The following RIMS4 variants were observed in gnomAD, a reference collection of about 807,000 sequenced individuals.
RIMS4 encodes the protein regulating synaptic membrane exocytosis protein 4.
In RIMS4, 9 loss-of-function variants were observed where a neutral mutation model predicts 29.0. That is an observed-to-expected ratio of 0.31 (90% CI 0.19 to 0.54). The LOEUF is 0.54. RIMS4 is among the 20% of genes least tolerant of loss of function. RIMS4 has a pLI of 0.94. For missense variants in RIMS4, 193 were observed against 365.7 expected (o/e 0.53, Z 3.85); for synonymous variants, 130 against 152.9 (o/e 0.85, Z 1.10).
intron 2 of RIMS4, among the ~76,000 whole-genome samples, chr20:44,764,888 T>C (rs891990479): frequency 2.0e-5 from 3 of 152,212 alleles, no homozygotes; most frequent in Non-Finnish European, 4.4e-5. Context: ...TGACCCCGAC[T>C]TCTCAACCAT....
At chr20:44,783,043 T>C (rs1384094633) in intron 1 of RIMS4, among the ~76,000 whole-genome samples, 1 of 152,204 alleles carries the variant, frequency 6.6e-6, no homozygotes, top group South Asian at 2.1e-4. Flanking sequence ...GCTACTATTA[T>C]AAACAATACT....
At position 44,757,825 on chromosome 20, in the gene RIMS4, G is replaced by A. The variant is rs1316204768; in HGVS notation, c.350-54C>T. The A allele has an allele frequency of 1.2e-5, 17 of 1,477,962 alleles. No individual in the cohort carries two copies. In the East Asian group the frequency reaches 2.7e-4, roughly 24 times the overall value. 91.6% of individuals were successfully genotyped at this position (1,477,962 alleles called of 1,614,324 possible). A position where few individuals can be genotyped will look rare whatever the true frequency, so the allele number is the denominator to read the frequency against. ...GGAAATGGTTCAGAAGCTCAAGCTT[G>A]GACTCAGCTCTTCTCCTTTACTTAG... is the stretch of plus-strand genomic sequence containing the variant. On this transcript the variant is annotated intron_variant, in intron 3 of 5. Transcript: ENST00000372851.
At chr20:44,795,738 G>A (rs972432225) in intron 1 of RIMS4, among the ~76,000 whole-genome samples, 17 of 152,122 alleles carry the variant, frequency 1.1e-4, no homozygotes, top group African/African-American at 4.1e-4. Context: ...TGCCATGTGA[G>A]CCATGGTAAT....
intron 2 of RIMS4, among the ~76,000 whole-genome samples, chr20:44,764,142 G>C (rs7269740): frequency 0.98 from 103,223 of 105,226 alleles, 50,636 homozygotes; most frequent in Admixed American, 0.98. Flanking sequence ...ATCCATTTAT[G>C]CATCCATTTA....
chr20:44,808,454 G>C (rs1016700160), intron 1 of RIMS4, among the ~76,000 whole-genome samples: 1 of 152,134 alleles, frequency 6.6e-6, no homozygotes, highest in Non-Finnish European at 1.5e-5. Context: ...CTCCTGCCCA[G>C]CCTGGCTCTT....
chr20:44,797,199 C>T (rs571959574), intron 1 of RIMS4, among the ~76,000 whole-genome samples: 19 of 152,346 alleles, frequency 1.2e-4, no homozygotes, highest in Admixed American at 7.8e-4. Flanking sequence ...CTATGGGCCT[C>T]GGACTAAATC....
chr20:44,780,458 A>G (rs1476508900), intron 1 of RIMS4, among the ~76,000 whole-genome samples: 1 of 152,208 alleles, frequency 6.6e-6, no homozygotes, highest in Non-Finnish European at 1.5e-5. Flanking sequence ...TTGTTTTCAA[A>G]CCACAATTCC....
intron 1 of RIMS4, among the ~76,000 whole-genome samples, chr20:44,802,805 G>A (rs571721500): frequency 6.6e-6 from 1 of 152,044 alleles, no homozygotes; most frequent in Non-Finnish European, 1.5e-5. Flanking sequence ...GAGATAATTT[G>A]CCCCCTTCTC....
chr20:44,782,106 C>A (rs749875117), intron 1 of RIMS4, among the ~76,000 whole-genome samples: 1 of 152,174 alleles, frequency 6.6e-6, no homozygotes, highest in Non-Finnish European at 1.5e-5. Flanking sequence ...CTGAACTAAT[C>A]TGAGTCTAAG....
Position 44,810,173 on chromosome 20 carries a change from A to G in RIMS4, c.97+2T>C. 1 of 1,580,610 alleles carries G rather than the reference A, an allele frequency of 6.3e-7. No homozygotes were observed. Among genetic ancestry groups the G allele is most frequent in the Admixed American group, 1.7e-5 (1 of 58,292 alleles). The stretch of plus-strand genomic sequence containing the variant: ...GGTCTGGGGGGCGGGCCGCGCGCTT[A>G]CCTGCGTCCTCGTCGTCGAAGGAGT... On this transcript the variant is annotated splice_donor_variant, in intron 1 of 5. Transcript: ENST00000372851. LOFTEE classifies it high-confidence loss of function.
chr20:44,764,260 A>ATTTATCCATCCGTCCATTTATC (rs1555859479), intron 2 of RIMS4, among the ~76,000 whole-genome samples: 1 of 151,786 alleles, frequency 6.6e-6, no homozygotes, highest in Admixed American at 6.6e-5. Flanking sequence ...CCATCCTCCC[A>ATTTATCCATCCGTCCATTTATC]CAAACTCACC....
At chr20:44,797,452 T>A (rs2066259683) in intron 1 of RIMS4, among the ~76,000 whole-genome samples, 2 of 152,240 alleles carry the variant, frequency 1.3e-5, no homozygotes, top group Admixed American at 1.3e-4. Flanking sequence ...TTGCCCTTGC[T>A]TGGGTTAACC....
chr20:44,802,460 C>T (rs1422486758), intron 1 of RIMS4, among the ~76,000 whole-genome samples: 1 of 152,182 alleles, frequency 6.6e-6, no homozygotes, highest in African/African-American at 2.4e-5. Flanking sequence ...GATTCCAAAG[C>T]TATGTTCTTT....
intron 1 of RIMS4, among the ~76,000 whole-genome samples, chr20:44,774,279 G>A (rs1266730851): frequency 6.6e-6 from 1 of 152,108 alleles, no homozygotes; most frequent in Non-Finnish European, 1.5e-5. Flanking sequence ...TGTTAATAGC[G>A]AGTGTCAACT....
chr20:44,760,030 G>C (rs2066077496), intron 2 of RIMS4, among the ~76,000 whole-genome samples: 1 of 152,236 alleles, frequency 6.6e-6, no homozygotes, highest in Non-Finnish European at 1.5e-5. Context: ...GAGAGCAAGA[G>C]ACTTGGGCTC....
chr20:44,808,995 A>C (rs2066310995), intron 1 of RIMS4, among the ~76,000 whole-genome samples: 1 of 151,750 alleles, frequency 6.6e-6, no homozygotes. Context: ...AAGCACATAC[A>C]CTCCTCCAGC....
At chr20:44,794,885 T>C (rs910941930) in intron 1 of RIMS4, among the ~76,000 whole-genome samples, 10 of 152,328 alleles carry the variant, frequency 6.6e-5, no homozygotes, top group Middle Eastern at 3.4e-3. Context: ...TTGGCTTCAC[T>C]CCTTGCCTGC....
rs1243869190 is a variant in RIMS4 at position 44,810,495 on chromosome 20, CGGCGGCGGCGGCGGCGGCGGT to C, written c.-245_-225del. Reference sequence around the variant, plus strand: ...AGCCCGAGGCGCGCTGTGCTGCTGGCGGCGGCGGCGGCGGCGGCGGTGGCGGCGGCGGTGGCGGCGCAGCGC... The same window carrying C: ...AGCCCGAGGCGCGCTGTGCTGCTGGCGGCGGCGGCGGTGGCGGCGCAGCGC... On this transcript the variant is annotated 5_prime_UTR_variant, in exon 1 of 6. Coordinates refer to ENST00000372851, the MANE Select transcript of RIMS4 (RefSeq NM_182970.4). Among the ~76,000 whole-genome samples, 29 of 124,772 alleles carry C rather than the reference CGGCGGCGGCGGCGGCGGCGGT, an allele frequency of 2.3e-4. No individual in the cohort carries two copies. Among genetic ancestry groups the C allele is most frequent in the African/African-American group, 1.2e-3 (29 of 24,572 alleles). 81.9% of individuals were successfully genotyped at this position (124,772 alleles called of 152,430 possible).
At chr20:44,799,557 C>A (rs561805608) in intron 1 of RIMS4, among the ~76,000 whole-genome samples, 43 of 152,286 alleles carry the variant, frequency 2.8e-4, no homozygotes, top group African/African-American at 1.0e-3. Flanking sequence ...TGCTGAGGAA[C>A]TAATTAATTT....
Sources: allele counts gnomAD v4.1 joint callset (sites outside exome capture counted in the v4.1 genomes callset), GRCh38; gene constraint gnomAD v4.1.1; transcripts MANE v1.5; gene names NCBI Gene and HGNC (gene_info 2026-07-23, HGNC 2026-07-21).